HS3ST3A1: variants seen among roughly 807,000 people sequenced by gnomAD.
HS3ST3A1 encodes heparan sulfate-glucosamine 3-sulfotransferase 3A1.
HS3ST3A1 carries 19 observed loss-of-function variants against 25.7 expected under a neutral mutation model. That is an observed-to-expected ratio of 0.74 (90% CI 0.52 to 1.08). The LOEUF is 1.08. HS3ST3A1 is among the 50% of genes least tolerant of loss of function. The probability of loss-of-function intolerance (pLI) is 0.00; values close to 1 mark genes in which losing one functional copy is unlikely to be tolerated. For synonymous variants in HS3ST3A1, 226 were observed against 278.6 expected (o/e 0.81, Z 1.88); for missense variants, 459 against 594.3 (o/e 0.77, Z 2.37).
chr17:13,547,167 C>T (rs1050536780), intron 1 of HS3ST3A1, among the ~76,000 whole-genome samples: 2 of 152,164 alleles, frequency 1.3e-5, no homozygotes, highest in South Asian at 4.1e-4. Flanking sequence ...CTTCATCCCT[C>T]CCCATAGCAT....
chr17:13,586,703 T>TA, intron 1 of HS3ST3A1, among the ~76,000 whole-genome samples: 1 of 150,428 alleles, frequency 6.6e-6, no homozygotes, highest in African/African-American at 2.5e-5. Context: ...CCGTCTCTAC[T>TA]AAAAAAATAC....
chr17:13,531,971 A>C (rs1906619141), intron 1 of HS3ST3A1, among the ~76,000 whole-genome samples: 1 of 152,150 alleles, frequency 6.6e-6, no homozygotes, highest in East Asian at 1.9e-4. Flanking sequence ...AGGTGGTAGG[A>C]AAGAGAGAGG....
At chr17:13,529,148 A>G (rs572913524) in intron 1 of HS3ST3A1, among the ~76,000 whole-genome samples, 6 of 152,188 alleles carry the variant, frequency 3.9e-5, no homozygotes, top group Non-Finnish European at 8.8e-5. Context: ...TTTTACTTCT[A>G]TGTAGGTGGT....
intron 1 of HS3ST3A1, among the ~76,000 whole-genome samples, chr17:13,571,051 T>TTGTG (rs1334798451): frequency 6.6e-6 from 1 of 152,168 alleles, no homozygotes; most frequent in Non-Finnish European, 1.5e-5. Context: ...GAATTCACAA[T>TTGTG]TGTGCTATCA....
chr17:13,507,004 G>A (rs1905702967), intron 1 of HS3ST3A1, among the ~76,000 whole-genome samples: 1 of 151,268 alleles, frequency 6.6e-6, no homozygotes, highest in South Asian at 2.1e-4. Context: ...GGGAGGCAGA[G>A]GTTGCAGTGA....
intron 1 of HS3ST3A1, among the ~76,000 whole-genome samples, chr17:13,519,970 A>C (rs1196102055): frequency 1.3e-5 from 2 of 152,204 alleles, no homozygotes; most frequent in Non-Finnish European, 2.9e-5. Flanking sequence ...GCATGAAACT[A>C]TGTCAAGTTT....
chr17:13,548,517 T>C (rs1315572417), intron 1 of HS3ST3A1, among the ~76,000 whole-genome samples: 4 of 152,190 alleles, frequency 2.6e-5, no homozygotes, highest in Admixed American at 1.3e-4. Flanking sequence ...CTTAATATCT[T>C]AGATAGTGTT....
At chr17:13,506,726 G>A (rs1167537113) in intron 1 of HS3ST3A1, among the ~76,000 whole-genome samples, 5 of 152,120 alleles carry the variant, frequency 3.3e-5, no homozygotes, top group South Asian at 2.1e-4. Flanking sequence ...ATGTCTATGC[G>A]ATGCTTCCTC....
At chr17:13,561,388 CTT>C (rs569977802) in intron 1 of HS3ST3A1, among the ~76,000 whole-genome samples, 49 of 139,698 alleles carry the variant, frequency 3.5e-4, no homozygotes, top group Non-Finnish European at 3.0e-4. Flanking sequence ...CCAGATCATT[CTT>C]TTTTTTTTTT....
intron 1 of HS3ST3A1, among the ~76,000 whole-genome samples, chr17:13,566,311 A>G (rs1352870982): frequency 6.6e-6 from 1 of 152,186 alleles, no homozygotes; most frequent in Non-Finnish European, 1.5e-5. Flanking sequence ...AACCACGCCC[A>G]TAGAAGACAA....
chr17:13,556,230 G>A (rs951737492), intron 1 of HS3ST3A1, among the ~76,000 whole-genome samples: 9 of 152,182 alleles, frequency 5.9e-5, no homozygotes, highest in Non-Finnish European at 1.3e-4. Context: ...AAAGCCGGCC[G>A]GGCGCGGTGG....
At chr17:13,575,325 A>T (rs578097420) in intron 1 of HS3ST3A1, among the ~76,000 whole-genome samples, 1 of 152,314 alleles carries the variant, frequency 6.6e-6, no homozygotes, top group South Asian at 2.1e-4. Flanking sequence ...AAAGACATGA[A>T]ATTCTCAGCC....
At chr17:13,541,484 GC>G (rs1296909204) in intron 1 of HS3ST3A1, among the ~76,000 whole-genome samples, 1 of 152,046 alleles carries the variant, frequency 6.6e-6, no homozygotes, top group Non-Finnish European at 1.5e-5. Context: ...GAATGGAAGG[GC>G]CAGTTGATAC....
chr17:13,530,576 T>C (rs1337439624), intron 1 of HS3ST3A1, among the ~76,000 whole-genome samples: 3 of 152,176 alleles, frequency 2.0e-5, no homozygotes, highest in African/African-American at 7.2e-5. Context: ...AAATCATATA[T>C]AGACAATCTA....
chr17:13,513,719 C>T (rs1412200747), intron 1 of HS3ST3A1, among the ~76,000 whole-genome samples: 1 of 152,140 alleles, frequency 6.6e-6, no homozygotes, highest in Non-Finnish European at 1.5e-5. Flanking sequence ...TTATGAAATG[C>T]CATAAAGTGT....
chr17:13,503,508 T>C (rs1194375800), intron 1 of HS3ST3A1, among the ~76,000 whole-genome samples: 1 of 152,206 alleles, frequency 6.6e-6, no homozygotes, highest in African/African-American at 2.4e-5. Context: ...AATTATTACA[T>C]TGTATATATA....
chr17:13,503,847 A>G (rs529876078), intron 1 of HS3ST3A1, among the ~76,000 whole-genome samples: 1 of 152,190 alleles, frequency 6.6e-6, no homozygotes, highest in Non-Finnish European at 1.5e-5. Context: ...CAGCCATTTC[A>G]TGGCCAGGGC....
intron 1 of HS3ST3A1, among the ~76,000 whole-genome samples, chr17:13,584,640 TTA>T (rs1908205124): frequency 1.0e-5 from 1 of 100,118 alleles, no homozygotes; most frequent in Non-Finnish European, 2.0e-5. Context: ...AAAAAAACAA[TTA>T]ATCATGCCAC....
rs1426631960 is a variant in HS3ST3A1 at position 13,496,795 on chromosome 17, T to C, written c.623A>G (p.Asp208Gly). 5.0e-6 allele frequency: 8 copies of C among 1,613,518 alleles called. No homozygotes were observed. The highest frequency in any genetic ancestry group is 3.3e-5 in the Admixed American group (2 of 59,976). ...WYRDLMPRTL[D>G]GQITMEKTPS... is the part of the protein sequence containing the mutation. ...CGTCTTCTCCATGGTGATCTGCCCG[T>C]CCAGGGTTCTGGGCATCAGGTCCCT... Residue 208 changes from aspartate (D) to glycine (G), a missense_variant, in exon 2 of 2, where the codon GAC becomes GGC. By Grantham distance (94) the Asp-to-Gly change is moderately conservative (BLOSUM62 -1). Coordinates refer to ENST00000284110, the MANE Select transcript of HS3ST3A1 (RefSeq NM_006042.3).
Sources: allele counts gnomAD v4.1 joint callset (sites outside exome capture counted in the v4.1 genomes callset), GRCh38; gene constraint gnomAD v4.1.1; transcripts MANE v1.5; gene names NCBI Gene and HGNC (gene_info 2026-07-23, HGNC 2026-07-21).